Variants in LMLN observed in about 807,000 individuals in gnomAD.
LMLN encodes the protein leishmanolysin like peptidase.
Under a neutral mutation model 92.3 loss-of-function variants are expected in LMLN, and 70 were observed. The observed-to-expected ratio is 0.76, with a 90% CI of 0.63 to 0.92. The LOEUF (loss-of-function observed/expected upper bound fraction) is 0.92, where lower values mean the gene tolerates loss of function less well. Ranked by LOEUF, LMLN falls within the 40% of genes least tolerant of loss-of-function variation. The pLI, the probability that LMLN is intolerant of heterozygous loss-of-function variation, is 0.00. For synonymous variants in LMLN, 308 were observed against 296.2 expected, an observed-to-expected ratio of 1.04 and a Z score of -0.41; for missense variants, 691 against 814.6, an observed-to-expected ratio of 0.85 and a Z score of 1.85.
At chr3:198,039,438 C>G (rs1723336848) in exon 16 of LMLN, 1 of 152,056 alleles carries the variant, frequency 6.6e-6, no homozygotes, top group South Asian at 2.1e-4. Context: ...TTCTACATAT[C>G]ATTATTATAC....
chr3:197,998,744 G>A (rs1413244119), intron 10 of LMLN, among the ~76,000 whole-genome samples: 1 of 152,108 alleles, frequency 6.6e-6, no homozygotes, highest in Non-Finnish European at 1.5e-5. Flanking sequence ...TAAAATATTG[G>A]GTAGATGGTA....
chr3:197,989,748 C>A (rs1193342531), intron 8 of LMLN, among the ~76,000 whole-genome samples: 1 of 152,168 alleles, frequency 6.6e-6, no homozygotes, highest in Non-Finnish European at 1.5e-5. Context: ...AGGGCTAGGC[C>A]CAGTGGCTCA....
At position 198,042,424 on chromosome 3, in the gene LMLN, A is replaced by T. The variant is rs1464496266; in HGVS notation, c.*3757A>T. 6.6e-6 allele frequency: 1 copy of T among 152,220 alleles called. No homozygotes were observed. The highest frequency in any genetic ancestry group is 1.5e-5 in the Non-Finnish European group (1 of 68,034). The allele number at this position is 152,220 out of a possible 1,614,324, so 9.4% of individuals were successfully genotyped here. A position where few individuals can be genotyped will look rare whatever the true frequency, so the allele number is the denominator to read the frequency against. On this transcript the variant is annotated 3_prime_UTR_variant, in exon 16 of 16. Coordinates refer to ENST00000330198, the Ensembl canonical transcript of LMLN. The surrounding 1 kb of genome is among the most constrained non-coding windows in gnomAD (Gnocchi z 4.2). Reference sequence around the variant, plus strand: ...AATGACAGTGAAGCAGACTTTTAGAATCCGAGATGTCATTGCAGAATTATT... The same window carrying T: ...AATGACAGTGAAGCAGACTTTTAGATTCCGAGATGTCATTGCAGAATTATT...
At chr3:197,972,178 C>T (rs750537408) in intron 1 of LMLN, among the ~76,000 whole-genome samples, 2 of 151,834 alleles carry the variant, frequency 1.3e-5, no homozygotes, top group Non-Finnish European at 2.9e-5. Context: ...AGTTCTCCTG[C>T]CTCAGCCTCT....
At chr3:197,988,363 T>C (rs1371282277) in intron 8 of LMLN, among the ~76,000 whole-genome samples, 2 of 151,988 alleles carry the variant, frequency 1.3e-5, no homozygotes, top group African/African-American at 2.4e-5. Flanking sequence ...TATTATTCGA[T>C]TTCTTTACAT....
At position 198,021,407 on chromosome 3, in the gene LMLN, G is replaced by A. The variant is rs1447075734; in HGVS notation, c.1366-39G>A. 5.6e-6 allele frequency: 9 copies of A among 1,596,836 alleles called. No homozygotes were observed. The South Asian group carries it at 1.0e-4, about 18-fold the overall frequency. ...GCACTTCCTCAATTTTATACAGAATGTTTCTTACTTTCTTGTCTTCCCAAT... is the reference window on the plus strand; with the variant it reads ...GCACTTCCTCAATTTTATACAGAATATTTCTTACTTTCTTGTCTTCCCAAT... On this transcript the variant is annotated intron_variant, in intron 12 of 15. Transcript: ENST00000330198.
At chr3:197,968,089 T>A (rs1477785517) in intron 1 of LMLN, among the ~76,000 whole-genome samples, 2 of 152,196 alleles carry the variant, frequency 1.3e-5, no homozygotes, top group Non-Finnish European at 2.9e-5. Flanking sequence ...TAGATACAAT[T>A]ATCACAGTGG....
At chr3:197,960,227 A>G (rs759463348) in exon 1 of LMLN, 13 of 1,607,504 alleles carry the variant, frequency 8.1e-6, no homozygotes, top group Non-Finnish European at 1.1e-5. Flanking sequence ...ACTCCATGGT[A>G]ACGACGCTCG....
chr3:198,023,912 C>T (rs1017040001), intron 13 of LMLN, among the ~76,000 whole-genome samples: 1 of 152,166 alleles, frequency 6.6e-6, no homozygotes, highest in South Asian at 2.1e-4. Context: ...GGAGGTGGCA[C>T]AAGTTGAAGA....
chr3:197,985,701 A>C, intron 7 of LMLN, 95 bp from the exon 8 acceptor site: 1 of 725,950 alleles, frequency 1.4e-6, no homozygotes, highest in Non-Finnish European at 2.4e-6. Context: ...TGGTGCTTCT[A>C]CGTTCCCGTT....
At chr3:197,992,802 C>CT (rs1241246406) in intron 9 of LMLN, among the ~76,000 whole-genome samples, 3 of 152,046 alleles carry the variant, frequency 2.0e-5, no homozygotes, top group Non-Finnish European at 4.4e-5. Flanking sequence ...CAGCAATACT[C>CT]TAATAACAAA....
intron 7 of LMLN, 99 bp from the exon 8 acceptor site, chr3:197,985,697 T>G (rs1344057245): frequency 8.6e-6 from 6 of 699,446 alleles, no homozygotes; most frequent in Non-Finnish European, 1.5e-5. Flanking sequence ...GGCGTGGTGC[T>G]TCTACGTTCC....
chr3:197,980,382 C>T, exon 6 of LMLN: 1 of 1,613,988 alleles, frequency 6.2e-7, no homozygotes, highest in Non-Finnish European at 8.5e-7. Context: ...GTGTGCCAGA[C>T]CAAGAAGGCA....
chr3:197,975,002 C>G, intron 2 of LMLN, 40 bp from the exon 3 acceptor site: 1 of 1,361,198 alleles, frequency 7.3e-7, no homozygotes, highest in Middle Eastern at 1.8e-4. Flanking sequence ...TGCTATGCCT[C>G]TGAGAGATAA....
intron 1 of LMLN, among the ~76,000 whole-genome samples, chr3:197,965,076 A>G (rs1195439401): frequency 4.0e-5 from 6 of 151,742 alleles, no homozygotes; most frequent in Non-Finnish European, 7.4e-5. Flanking sequence ...GTGCAGTGAT[A>G]TGATCATAGC....
At chr3:197,978,332 T>C (rs923917117) in intron 5 of LMLN, among the ~76,000 whole-genome samples, 1 of 152,206 alleles carries the variant, frequency 6.6e-6, no homozygotes, top group East Asian at 1.9e-4. Context: ...CTATTACTTA[T>C]ATCAAAAAAA....
At chr3:197,964,038 T>C (rs959021701) in intron 1 of LMLN, among the ~76,000 whole-genome samples, 1 of 152,244 alleles carries the variant, frequency 6.6e-6, no homozygotes, top group Admixed American at 6.5e-5. Context: ...GAGATAATCA[T>C]ATAGTTTCTC....
intron 11 of LMLN, among the ~76,000 whole-genome samples, chr3:198,016,322 A>ATG (rs1403686519): frequency 6.6e-6 from 1 of 152,160 alleles, no homozygotes; most frequent in Non-Finnish European, 1.5e-5. Flanking sequence ...TGTAACCCTA[A>ATG]TGTGAAGATA....
Position 198,016,199 on chromosome 3 carries a change from A to C in LMLN, c.1233-3054A>C, listed in dbSNP as rs530899428. 5.0e-5 allele frequency among the ~76,000 whole-genome samples: 7 copies of C among 138,936 alleles called. No individual in the cohort carries two copies. In the East Asian group the frequency reaches 7.1e-4, roughly 14 times the overall value. The allele number at this position is 138,936 out of a possible 152,430, so 91.1% of individuals were successfully genotyped here. ...GCAAGACCCTGTTGCAAAAACAAAA[A>C]AAAAAAAAAAAAAAGGAAAAGAAAA... On this transcript the variant is annotated intron_variant, in intron 11 of 15. Transcript: ENST00000330198.
Sources: gnomAD v4.1 joint callset for allele counts (sites outside exome capture counted in the v4.1 genomes callset) on GRCh38, gnomAD v4.1.1 for gene constraint, Gnocchi (gnomAD v3.1) non-coding constraint, MANE v1.5 for transcripts, NCBI Gene and HGNC (gene_info 2026-07-23, HGNC 2026-07-21) for gene names.